Variants in FTCDNL1 observed in about 807,000 individuals in gnomAD.
FTCDNL1 encodes formiminotransferase N-terminal subdomain-containing protein.
FTCDNL1 carries 11 observed loss-of-function variants against 5.9 expected under a neutral mutation model. That is an observed-to-expected ratio of 1.87 (90% CI 1.18 to 3.10). The LOEUF is 3.10. Among genes scored for constraint, FTCDNL1 ranks in the 30% most tolerant of loss-of-function variants. The pLI, the probability that FTCDNL1 is intolerant of heterozygous loss-of-function variation, is 0.00. For synonymous variants in FTCDNL1, 58 were observed against 24.8 expected (o/e 2.34, Z -3.99); for missense variants, 115 against 65.5 (o/e 1.76, Z -2.61).
At chr2:199,737,819 G>A in the FTCDNL1 span, among the ~76,000 whole-genome samples, 1 of 152,178 alleles carries the variant, frequency 6.6e-6, no homozygotes, top group African/African-American at 2.4e-5. Context: ...GTGTCACGTA[G>A]CTGGTCCTGC....
the FTCDNL1 span, among the ~76,000 whole-genome samples, chr2:199,666,071 C>T: frequency 2.0e-5 from 3 of 152,306 alleles, no homozygotes; most frequent in Admixed American, 6.5e-5. Flanking sequence ...GCTAAAGTTA[C>T]TTAACCTGTA....
chr2:199,701,819 G>A, the FTCDNL1 span, among the ~76,000 whole-genome samples: 1 of 152,122 alleles, frequency 6.6e-6, no homozygotes, highest in African/African-American at 2.4e-5. Context: ...CAGATCACTC[G>A]AGGCCAGGAA....
chr2:199,761,036 C>A (rs980689271), intron 3 of FTCDNL1, among the ~76,000 whole-genome samples: 1 of 152,194 alleles, frequency 6.6e-6, no homozygotes, highest in African/African-American at 2.4e-5. Flanking sequence ...CTTATTGGTG[C>A]CTTTGACCCA....
At chr2:199,681,687 C>A in the FTCDNL1 span, among the ~76,000 whole-genome samples, 1 of 152,130 alleles carries the variant, frequency 6.6e-6, no homozygotes, top group Non-Finnish European at 1.5e-5. Flanking sequence ...AGAAGAGTCT[C>A]CGGATATATT....
chr2:199,707,586 T>G, the FTCDNL1 span, among the ~76,000 whole-genome samples: 1 of 152,054 alleles, frequency 6.6e-6, no homozygotes, highest in Non-Finnish European at 1.5e-5. Flanking sequence ...TATATGTATG[T>G]CTCCATTTGG....
chr2:199,703,415 G>A, the FTCDNL1 span, among the ~76,000 whole-genome samples: 8 of 152,132 alleles, frequency 5.3e-5, no homozygotes, highest in African/African-American at 1.7e-4. Flanking sequence ...AAAGAGGAAT[G>A]TTAGATACTT....
the FTCDNL1 span, among the ~76,000 whole-genome samples, chr2:199,730,902 A>G: frequency 6.6e-6 from 1 of 152,256 alleles, no homozygotes; most frequent in African/African-American, 2.4e-5. Context: ...ATGTATGTTT[A>G]TTGCAGCACT....
rs987350135 is a variant in FTCDNL1, at chr2:199,810,944, G to A, written c.*1761C>T. The stretch of plus-strand genomic sequence containing the variant: ...ACTTTTCCCTAGACTACGATGGTTT[G>A]GGGGCTTTGTTGCCTAGCCTGGCTA... On this transcript the variant is annotated 3_prime_UTR_variant, in exon 5 of 5. Transcript: ENST00000420128. Among the ~76,000 whole-genome samples, 5 of 152,120 alleles carry A rather than the reference G, an allele frequency of 3.3e-5. No homozygotes were observed. The highest frequency in any genetic ancestry group is 1.2e-4 in the African/African-American group (5 of 41,420).
At chr2:199,794,632 C>T (rs1353712254) in intron 3 of FTCDNL1, among the ~76,000 whole-genome samples, 2 of 152,160 alleles carry the variant, frequency 1.3e-5, no homozygotes, top group Admixed American at 1.3e-4. Flanking sequence ...AATCCCAACA[C>T]TTAGGGAGGC....
intron 3 of FTCDNL1, among the ~76,000 whole-genome samples, chr2:199,820,234 C>T (rs187804885): frequency 1.3e-5 from 2 of 152,282 alleles, no homozygotes; most frequent in African/African-American, 2.4e-5. Context: ...GCTATGTATG[C>T]TATTAAAATT....
chr2:199,727,252 G>C, the FTCDNL1 span, among the ~76,000 whole-genome samples: 1 of 152,172 alleles, frequency 6.6e-6, no homozygotes, highest in African/African-American at 2.4e-5. Context: ...AGTCCCCCCA[G>C]CACCAGCAGG....
chr2:199,782,278 T>A (rs186839734), intron 3 of FTCDNL1, among the ~76,000 whole-genome samples: 1 of 152,300 alleles, frequency 6.6e-6, no homozygotes, highest in Non-Finnish European at 1.5e-5. Flanking sequence ...TTGGGCAAAA[T>A]GGTATTTTTA....
chr2:199,773,545 C>T (rs1293572307), intron 3 of FTCDNL1, among the ~76,000 whole-genome samples: 1 of 152,168 alleles, frequency 6.6e-6, no homozygotes, highest in Admixed American at 6.5e-5. Flanking sequence ...GCAGGTCCTT[C>T]CTCCTGGAGA....
At chr2:199,783,013 C>T (rs527713109) in intron 3 of FTCDNL1, among the ~76,000 whole-genome samples, 28 of 152,332 alleles carry the variant, frequency 1.8e-4, no homozygotes, top group African/African-American at 6.0e-4. Context: ...GACTGCCCAT[C>T]TCTACAGATT....
chr2:199,756,481 A>G (rs1698077074), downstream of FTCDNL1, among the ~76,000 whole-genome samples: 2 of 152,132 alleles, frequency 1.3e-5, no homozygotes, highest in Admixed American at 6.5e-5. Flanking sequence ...AAACACAGTG[A>G]CTTAATTAGA....
chr2:199,741,985 C>G, the FTCDNL1 span, among the ~76,000 whole-genome samples: 2,454 of 152,234 alleles, frequency 0.016, 63 homozygotes, highest in East Asian at 0.16. Flanking sequence ...ATGGGCTTTT[C>G]ATAAACCAAT....
chr2:199,781,828 A>G (rs1699379803), intron 3 of FTCDNL1, among the ~76,000 whole-genome samples: 1 of 151,868 alleles, frequency 6.6e-6, no homozygotes, highest in Non-Finnish European at 1.5e-5. Context: ...CGCCCAGGCT[A>G]GCATGCAGTG....
chr2:199,742,775 A>C, the FTCDNL1 span, among the ~76,000 whole-genome samples: 1 of 152,226 alleles, frequency 6.6e-6, no homozygotes, highest in Non-Finnish European at 1.5e-5. Flanking sequence ...CTCGGTTTCT[A>C]GTCAAACAAG....
the FTCDNL1 span, among the ~76,000 whole-genome samples, chr2:199,743,650 TTGCCTCTGCCTCTGACTGGC>T: frequency 6.6e-6 from 1 of 151,992 alleles, no homozygotes; most frequent in Admixed American, 6.6e-5. Context: ...TGCACGTCCC[TTGCCTCTGCCTCTGACTGGC>T]TGCAAGATGG....
Sources: gnomAD v4.1 joint callset for allele counts (sites outside exome capture counted in the v4.1 genomes callset) on GRCh38, gnomAD v4.1.1 for gene constraint, MANE v1.5 for transcripts, NCBI Gene and HGNC (gene_info 2026-07-23, HGNC 2026-07-21) for gene names.